NIPAL2: variants seen among roughly 807,000 people sequenced by gnomAD.
NIPAL2 encodes NIPA like domain containing 2, also known as NIPA-like protein 2.
NIPAL2 carries 43 observed loss-of-function variants against 48.9 expected under a neutral mutation model. The observed-to-expected ratio is 0.88, with a 90% CI of 0.69 to 1.13. The LOEUF (loss-of-function observed/expected upper bound fraction) is 1.13. Among genes scored for constraint, NIPAL2 ranks in the 50% most tolerant of loss-of-function variants. The probability of loss-of-function intolerance (pLI) is 0.00; values close to 1 mark genes in which losing one functional copy is unlikely to be tolerated. For synonymous variants in NIPAL2, 167 were observed against 174.6 expected (o/e 0.96, Z 0.34); for missense variants, 446 against 461.4 (o/e 0.97, Z 0.31).
intron 5 of NIPAL2, among the ~76,000 whole-genome samples, chr8:98,215,021 G>T (rs534226390): frequency 6.6e-6 from 1 of 152,072 alleles, no homozygotes; most frequent in African/African-American, 2.4e-5. Context: ...TCCATTTCTC[G>T]CATGAGACAA....
intron 3 of NIPAL2, 163 bp downstream of exon 3, chr8:98,252,300 A>G: frequency 1.5e-6 from 1 of 669,130 alleles, no homozygotes; most frequent in East Asian, 3.0e-5. Context: ...TGACAGCATG[A>G]CAATGGATCG....
intron 1 of NIPAL2, 84 bp from the exon 2 acceptor site, chr8:98,254,171 T>C: frequency 1.8e-6 from 2 of 1,104,662 alleles, no homozygotes; most frequent in East Asian, 2.4e-5. Flanking sequence ...TTCATTCATT[T>C]GTTCAGTAAT....
chr8:98,222,544 T>A lies in NIPAL2; in HGVS notation c.493A>T (p.Thr165Ser), dbSNP rs77774174. 233 of 1,613,996 alleles carry A rather than the reference T, an allele frequency of 1.4e-4. 4 individuals are homozygous for A. In the African/African-American group the frequency reaches 2.3e-3, roughly 16 times the overall value. Residue 165 changes from threonine (T) to serine (S), a missense_variant, in exon 5 of 11, where the codon ACT (threonine) becomes TCT (serine). Transcript: ENST00000430223. ...YLLVNFAPNI[T>S]QAISARTVQY... The stretch of plus-strand genomic sequence containing the variant: ...ACTGTTCTTGCTGAGATTGCCTGAG[T>A]TATATTTGGAGCAAAGTTCACCAGT...
At chr8:98,275,059 C>G (rs938188044) in intron 1 of NIPAL2, among the ~76,000 whole-genome samples, 3 of 152,104 alleles carry the variant, frequency 2.0e-5, no homozygotes, top group African/African-American at 7.2e-5. Flanking sequence ...TTTCCTCTAA[C>G]TGCCCTCCCT....
At chr8:98,207,803 C>A (rs1443215195) in intron 6 of NIPAL2, among the ~76,000 whole-genome samples, 1 of 152,116 alleles carries the variant, frequency 6.6e-6, no homozygotes, top group African/African-American at 2.4e-5. Flanking sequence ...AGCTCATTTT[C>A]CAAGTATATA....
intron 1 of NIPAL2, among the ~76,000 whole-genome samples, chr8:98,263,065 G>A (rs1189486140): frequency 6.7e-6 from 1 of 149,870 alleles, no homozygotes; most frequent in Non-Finnish European, 1.5e-5. Flanking sequence ...AAATAAAGAT[G>A]TTCTTTGAAA....
At chr8:98,273,657 T>C (rs1387570298) in intron 1 of NIPAL2, among the ~76,000 whole-genome samples, 1 of 152,154 alleles carries the variant, frequency 6.6e-6, no homozygotes, top group Non-Finnish European at 1.5e-5. Flanking sequence ...CTCTCAGAGA[T>C]ACGTAATTTT....
At chr8:98,221,312 T>A (rs1811860607) in intron 5 of NIPAL2, among the ~76,000 whole-genome samples, 1 of 151,572 alleles carries the variant, frequency 6.6e-6, no homozygotes, top group African/African-American at 2.4e-5. Context: ...GGCATTGTAG[T>A]ACTGTTGTGT....
intron 3 of NIPAL2, among the ~76,000 whole-genome samples, chr8:98,243,968 T>G (rs903716807): frequency 6.6e-6 from 1 of 152,242 alleles, no homozygotes; most frequent in Admixed American, 6.5e-5. Context: ...GGCATGGCTA[T>G]TTTTAAATGA....
intron 1 of NIPAL2, among the ~76,000 whole-genome samples, chr8:98,284,268 G>T (rs1267244604): frequency 3.3e-5 from 5 of 152,068 alleles, no homozygotes; most frequent in Non-Finnish European, 7.4e-5. Flanking sequence ...TTCTGCTTTG[G>T]CTCTCTTGTT....
At chr8:98,259,403 T>C (rs1470858215) in intron 1 of NIPAL2, among the ~76,000 whole-genome samples, 2 of 152,196 alleles carry the variant, frequency 1.3e-5, no homozygotes. Flanking sequence ...CACAGGTTTA[T>C]TTTTGCCCAA....
chr8:98,261,502 G>T (rs1360357320), intron 1 of NIPAL2, among the ~76,000 whole-genome samples: 9 of 145,258 alleles, frequency 6.2e-5, no homozygotes, highest in Non-Finnish European at 9.0e-5. Context: ...AGGAGCCGAT[G>T]CGATCAACTG....
At chr8:98,228,593 T>G (rs543322311) in intron 4 of NIPAL2, among the ~76,000 whole-genome samples, 3 of 152,156 alleles carry the variant, frequency 2.0e-5, no homozygotes, top group South Asian at 4.1e-4. Context: ...GAGGCCAGTC[T>G]AAGGAACTGA....
In NIPAL2 at chr8:98,238,616, T is replaced by A. The variant is rs538782436; in HGVS notation, c.377-2402A>T. On this transcript the variant is annotated intron_variant, in intron 3 of 10. Transcript: ENST00000430223. ...GAGATGCTATTTGTTTCCTTTTTTT[T>A]TTTTTCCTCAACTTAGCTTTTTCTC... 3.2e-3 allele frequency among the ~76,000 whole-genome samples: 491 copies of A among 152,198 alleles called. 2 individuals carry two copies. Among genetic ancestry groups the A allele is most frequent in the African/African-American group, 0.011 (445 of 41,496 alleles).
intron 1 of NIPAL2, among the ~76,000 whole-genome samples, chr8:98,271,082 T>C (rs1034354053): frequency 1.3e-5 from 2 of 152,194 alleles, no homozygotes; most frequent in Non-Finnish European, 1.5e-5. Flanking sequence ...AGTATCATGC[T>C]GTTTTTGTTA....
intron 1 of NIPAL2, among the ~76,000 whole-genome samples, chr8:98,272,740 G>A (rs1157330346): frequency 3.3e-5 from 5 of 151,608 alleles, no homozygotes; most frequent in East Asian, 3.9e-4. Flanking sequence ...TCAGGCTCCC[G>A]AGTAACTGTG....
intron 3 of NIPAL2, among the ~76,000 whole-genome samples, chr8:98,241,875 T>C (rs1039111993): frequency 3.3e-5 from 5 of 152,208 alleles, no homozygotes; most frequent in South Asian, 2.1e-4. Context: ...GGCATTGTTA[T>C]ACTCATTTTA....
At chr8:98,203,752 C>T (rs755513597) in intron 7 of NIPAL2, among the ~76,000 whole-genome samples, 2 of 151,998 alleles carry the variant, frequency 1.3e-5, no homozygotes, top group African/African-American at 2.4e-5. Flanking sequence ...TTTTTTGAAG[C>T]AGTGAATTGC....
intron 3 of NIPAL2, among the ~76,000 whole-genome samples, chr8:98,237,216 T>TA (rs113456546): frequency 0.048 from 7,362 of 152,000 alleles, 590 homozygotes; most frequent in African/African-American, 0.17. Context: ...CCCAGCTAAT[T>TA]AAAAATTTTT....
Sources: gnomAD v4.1 joint callset for allele counts (sites outside exome capture counted in the v4.1 genomes callset) on GRCh38, gnomAD v4.1.1 for gene constraint, MANE v1.5 for transcripts, NCBI Gene and HGNC (gene_info 2026-07-23, HGNC 2026-07-21) for gene names.